Variants in CCDC91 observed in about 807,000 individuals in gnomAD.
CCDC91 encodes coiled-coil domain containing 91.
Under a neutral mutation model 63.2 loss-of-function variants are expected in CCDC91, and 48 were observed. The ratio of observed to expected loss-of-function variants is 0.76; its 90% CI spans 0.60 to 0.97. The LOEUF is 0.97. Among genes scored for constraint, CCDC91 ranks in the 50% least tolerant of loss-of-function variants. The probability of loss-of-function intolerance (pLI) is 0.00; values close to 1 mark genes in which losing one functional copy is unlikely to be tolerated. For missense variants in CCDC91, 500 were observed against 494.6 expected (o/e 1.01, Z -0.10); for synonymous variants, 167 against 165.8 (o/e 1.01, Z -0.06).
At chr12:28,430,173 A>G (rs1383277391) in intron 8 of CCDC91, among the ~76,000 whole-genome samples, 1 of 152,110 alleles carries the variant, frequency 6.6e-6, no homozygotes, top group Non-Finnish European at 1.5e-5. Flanking sequence ...AATCTTAAAT[A>G]GAAAACTTAG....
intron 1 of CCDC91, among the ~76,000 whole-genome samples, chr12:28,193,895 GTTGT>G (rs760878061): frequency 3.3e-5 from 5 of 152,096 alleles, no homozygotes; most frequent in Admixed American, 3.3e-4. Context: ...TTTTAATAGG[GTTGT>G]TTGTTATTGG....
At chr12:28,369,115 C>T (rs997172567) in intron 7 of CCDC91, among the ~76,000 whole-genome samples, 1 of 152,154 alleles carries the variant, frequency 6.6e-6, no homozygotes, top group Non-Finnish European at 1.5e-5. Flanking sequence ...CCCCTAAAAT[C>T]TTACCTCATT....
intron 7 of CCDC91, among the ~76,000 whole-genome samples, chr12:28,386,895 T>G (rs1945637598): frequency 6.6e-6 from 1 of 152,182 alleles, no homozygotes; most frequent in Admixed American, 6.5e-5. Context: ...TTATGGGTGT[T>G]TAGAATAGTT....
At chr12:28,249,170 A>G (rs1416223763) in intron 1 of CCDC91, among the ~76,000 whole-genome samples, 4 of 152,222 alleles carry the variant, frequency 2.6e-5, no homozygotes, top group Non-Finnish European at 5.9e-5. Context: ...CTGGAGAATG[A>G]GAGAAATAAC....
chr12:28,323,118 T>G (rs1238959691), intron 6 of CCDC91, among the ~76,000 whole-genome samples: 1 of 151,430 alleles, frequency 6.6e-6, no homozygotes, highest in Non-Finnish European at 1.5e-5. Context: ...TACAGTTGAT[T>G]TAAAAAATTA....
intron 8 of CCDC91, among the ~76,000 whole-genome samples, chr12:28,446,721 T>C (rs1350414404): frequency 1.3e-5 from 2 of 152,136 alleles, no homozygotes; most frequent in Non-Finnish European, 2.9e-5. Flanking sequence ...CATCTTGGCC[T>C]CCCAAAGTGC....
chr12:28,264,581 C>CTGTG (rs1357762563), intron 3 of CCDC91, among the ~76,000 whole-genome samples: 30 of 29,990 alleles, frequency 1.0e-3, no homozygotes, highest in East Asian at 7.8e-3. Context: ...ATATATATGT[C>CTGTG]TGTCTGTGTG....
chr12:28,507,161 GT>G (rs1055024974), intron 12 of CCDC91, among the ~76,000 whole-genome samples: 2 of 152,022 alleles, frequency 1.3e-5, no homozygotes, highest in South Asian at 2.1e-4. Flanking sequence ...GATTAAGGGG[GT>G]AAAAAACTTC....
intron 8 of CCDC91, among the ~76,000 whole-genome samples, chr12:28,420,849 G>A (rs1198478714): frequency 4.0e-5 from 6 of 151,062 alleles, no homozygotes; most frequent in Non-Finnish European, 7.4e-5. Context: ...TTTAGAATCC[G>A]CAAAATTTTT....
At chr12:28,273,086 G>A (rs1257689228) in intron 3 of CCDC91, among the ~76,000 whole-genome samples, 9 of 150,020 alleles carry the variant, frequency 6.0e-5, no homozygotes, top group African/African-American at 1.7e-4. Flanking sequence ...GAGAACATGC[G>A]GTGTTTGGTT....
chr12:28,463,657 C>CT (rs1950414326), intron 11 of CCDC91, among the ~76,000 whole-genome samples: 1 of 152,136 alleles, frequency 6.6e-6, no homozygotes, highest in Non-Finnish European at 1.5e-5. Context: ...AAACATGTCT[C>CT]TAAGACTTGA....
At chr12:28,377,265 T>G (rs561608175) in intron 7 of CCDC91, among the ~76,000 whole-genome samples, 6 of 151,914 alleles carry the variant, frequency 3.9e-5, no homozygotes, top group Admixed American at 2.0e-4. Flanking sequence ...CTGGCTTGCC[T>G]TGTTTGTTTT....
chr12:28,535,946 A>G (rs548697135), intron 12 of CCDC91, among the ~76,000 whole-genome samples: 1 of 151,904 alleles, frequency 6.6e-6, no homozygotes, highest in Non-Finnish European at 1.5e-5. Context: ...GGAGAATGGC[A>G]TGAACCCGGG....
At chr12:28,241,484 A>C (rs1161555649) in intron 1 of CCDC91, among the ~76,000 whole-genome samples, 2 of 152,152 alleles carry the variant, frequency 1.3e-5, no homozygotes, top group African/African-American at 2.4e-5. Context: ...GGATATGAGT[A>C]GCTAATCATT....
intron 8 of CCDC91, among the ~76,000 whole-genome samples, chr12:28,419,731 T>G (rs553456916): frequency 6.7e-6 from 1 of 149,600 alleles, no homozygotes; most frequent in Non-Finnish European, 1.5e-5. Flanking sequence ...GTCTCTTTCA[T>G]GTGCTGTTTT....
In CCDC91 at chr12:28,454,947, T is replaced by A. The variant is rs1035524188; in HGVS notation, c.1101+2293T>A. 5.4e-4 allele frequency among the ~76,000 whole-genome samples: 82 copies of A among 152,080 alleles called. 4 individuals carry two copies. On this transcript the variant is annotated intron_variant, in intron 11 of 12. Transcript: ENST00000536442. ...TGTGCATGCGTCGTTGTAAATTGAG[T>A]GTTTCCATGGAAGGACAGAGGATCC...
intron 12 of CCDC91, among the ~76,000 whole-genome samples, chr12:28,517,722 G>C (rs572087198): frequency 2.0e-5 from 3 of 151,810 alleles, no homozygotes; most frequent in African/African-American, 7.2e-5. Flanking sequence ...GTGAGATTTT[G>C]GTGCACCCAT....
intron 8 of CCDC91, among the ~76,000 whole-genome samples, chr12:28,434,273 A>T (rs945518459): frequency 6.6e-6 from 1 of 151,752 alleles, no homozygotes; most frequent in African/African-American, 2.4e-5. Context: ...CAAATTGAGG[A>T]CATTTCTCTT....
At chr12:28,430,294 C>T (rs1016186227) in intron 8 of CCDC91, among the ~76,000 whole-genome samples, 2 of 151,946 alleles carry the variant, frequency 1.3e-5, no homozygotes, top group African/African-American at 2.4e-5. Context: ...AGTGTTTTGA[C>T]TTACAAACTT....
Sources: gnomAD v4.1 joint callset for allele counts (sites outside exome capture counted in the v4.1 genomes callset) on GRCh38, gnomAD v4.1.1 for gene constraint, MANE v1.5 for transcripts, NCBI Gene and HGNC (gene_info 2026-07-23, HGNC 2026-07-21) for gene names.